The following YARS2 variants were observed in gnomAD, a reference collection of about 807,000 sequenced individuals.
YARS2 encodes the protein tyrosyl-tRNA synthetase 2.
In YARS2, 38 loss-of-function variants were observed where a neutral mutation model predicts 45.0. That is an observed-to-expected ratio of 0.84 (90% CI 0.65 to 1.11). YARS2 has a LOEUF of 1.11. Among genes scored for constraint, YARS2 ranks in the 50% least tolerant of loss-of-function variants. YARS2 has a pLI of 0.00. For missense variants in YARS2, 602 were observed against 599.8 expected, an observed-to-expected ratio of 1.00 and a Z score of -0.04; for synonymous variants, 287 against 245.1, an observed-to-expected ratio of 1.17 and a Z score of -1.60.
chr12:32,753,978 T>C lies in YARS2; in HGVS notation c.887A>G (p.Lys296Arg), dbSNP rs1305915229. The C allele has an allele frequency of 2.5e-6, 4 of 1,614,232 alleles. No individual in the cohort carries two copies. Among genetic ancestry groups the C allele is most frequent in the Non-Finnish European group, 3.4e-6 (4 of 1,180,038 alleles). The change falls in exon 2 of 5, where the codon AAG becomes AGG. Residue 296 changes from lysine to arginine, a missense_variant. Physicochemically the swap from Lys to Arg is conservative, Grantham distance 26. Transcript: ENST00000324868. Reference sequence around the variant, plus strand: ...TTGATACAATTCAAATGGAGATGTCTTATCTCTGTTTAGCCAAACAGCGTT... The same window carrying C: ...TTGATACAATTCAAATGGAGATGTCCTATCTCTGTTTAGCCAAACAGCGTT... ...AGNAVWLNRDKTSPFELYQFF... is the reference protein window; with the variant it reads ...AGNAVWLNRDRTSPFELYQFF...
At chr12:32,753,162 T>A (rs1444441362) in intron 2 of YARS2, among the ~76,000 whole-genome samples, 1 of 151,592 alleles carries the variant, frequency 6.6e-6, no homozygotes, top group Non-Finnish European at 1.5e-5. Context: ...AAAAAAAAAA[T>A]ACAAAATTAG....
chr12:32,748,054 C>T (rs182842576), intron 4 of YARS2, among the ~76,000 whole-genome samples: 70 of 152,294 alleles, frequency 4.6e-4, no homozygotes, highest in African/African-American at 1.7e-3. Flanking sequence ...GACAGGGCTA[C>T]AGCGTGGCTA....
intron 1 of YARS2, 129 bp from the exon 2 acceptor site, chr12:32,754,214 C>A (rs980777563): frequency 2.9e-6 from 3 of 1,017,634 alleles, no homozygotes; most frequent in African/African-American, 1.6e-5. Context: ...AATCTGAATT[C>A]TTGTTCCTCT....
intron 3 of YARS2, 76 bp downstream of exon 3, chr12:32,750,642 TA>T (rs1955725433): frequency 6.3e-7 from 1 of 1,588,364 alleles, no homozygotes; most frequent in Non-Finnish European, 8.6e-7. Flanking sequence ...AAGATAATCC[TA>T]AAACATACTC....
chr12:32,751,072 T>C (rs939540225), intron 2 of YARS2, among the ~76,000 whole-genome samples, 198 bp from the exon 3 acceptor site: 2 of 95,052 alleles, frequency 2.1e-5, no homozygotes, highest in African/African-American at 5.5e-5. Context: ...TTTCAATTTC[T>C]TTTTTTTTTT....
Position 32,750,826 on chromosome 12 carries a change from G to C in YARS2, c.996C>G (p.Ile332Met). The C allele has an allele frequency of 6.2e-7, 1 of 1,614,136 alleles. No individual in the cohort carries two copies. The highest frequency in any genetic ancestry group is 8.5e-7 in the Non-Finnish European group (1 of 1,180,028). Residue 332 changes from isoleucine (I) to methionine (M), a missense_variant, in exon 3 of 5, where the codon ATC becomes ATG. Ile to Met is a conservative substitution (Grantham distance 10, BLOSUM62 1). Transcript: ENST00000324868. ...CTGGCTCTTTGACATGCAGCTGCAT[G>C]ATATGATCAATCTCTGGAAGGGGCA... The part of the protein sequence containing the change: ...TFLPLPEIDH[I>M]MQLHVKEPER...
rs1337304440 is a variant in YARS2, at chr12:32,755,512, G to T, written c.363C>A (p.Asp121Glu). The change falls in exon 1 of 5, where the codon GAC (aspartate) becomes GAA (glutamate). Residue 121 changes from aspartate (D) to glutamate (E), a missense_variant. Physicochemically the swap from Asp to Glu is conservative, Grantham distance 45. Coordinates refer to ENST00000324868, the MANE Select transcript of YARS2 (RefSeq NM_001040436.3). ...LVGGATARLG[D>E]PSGRTKEREA... ...CGCGTTCCTTGGTACGGCCGCTCGG[G>T]TCTCCCAGGCGCGCCGTGGCGCCTC... The T allele has an allele frequency of 6.2e-7, 1 of 1,612,680 alleles. No homozygotes were observed. The highest frequency in any genetic ancestry group is 8.5e-7 in the Non-Finnish European group (1 of 1,179,598).
intron 2 of YARS2, among the ~76,000 whole-genome samples, chr12:32,751,858 G>A (rs1466004636): frequency 1.3e-5 from 2 of 152,138 alleles, no homozygotes; most frequent in Non-Finnish European, 2.9e-5. Flanking sequence ...CTCCTGTTGC[G>A]CAGCCCTGTT....
chr12:32,753,385 G>C (rs1303342254), intron 2 of YARS2, among the ~76,000 whole-genome samples: 1 of 152,150 alleles, frequency 6.6e-6, no homozygotes, highest in East Asian at 1.9e-4. Flanking sequence ...TATTTTGCAG[G>C]AAAGTCATAT....
intron 1 of YARS2, among the ~76,000 whole-genome samples, chr12:32,754,711 CTTTTTTTT>C (rs755897245): frequency 7.9e-6 from 1 of 126,720 alleles, no homozygotes; most frequent in Admixed American, 8.2e-5. Flanking sequence ...GTCTGTTTCC[CTTTTTTTT>C]TTTTTTTTTT....
chr12:32,754,088 A>G lies in YARS2; in HGVS notation c.780-3T>C, dbSNP rs1461183468. The G allele has an allele frequency of 1.2e-6, 2 of 1,614,188 alleles. No individual in the cohort carries two copies. The highest frequency in any genetic ancestry group is 1.7e-6 in the Non-Finnish European group (2 of 1,180,024). ...CAAATACATCTTCTCCAGTCAACCT[A>G]CGCATAAAGAACAATTTCATTATGT... On this transcript the variant is annotated splice_polypyrimidine_tract_variant and splice_region_variant and intron_variant, in intron 1 of 4. Transcript: ENST00000324868.
chr12:32,750,253 T>G (rs779980398), intron 3 of YARS2, 146 bp from the exon 4 acceptor site: 82 of 938,274 alleles, frequency 8.7e-5, no homozygotes, highest in Non-Finnish European at 1.2e-4. Context: ...CCCGGCTGGA[T>G]TGCAATGGCA....
At chr12:32,754,492 T>C (rs1011304544) in intron 1 of YARS2, among the ~76,000 whole-genome samples, 9 of 152,204 alleles carry the variant, frequency 5.9e-5, no homozygotes, top group Admixed American at 2.0e-4. Flanking sequence ...TAGACCCGCA[T>C]TACTTGTCAA....
chr12:32,751,657 G>A (rs1955747532), intron 2 of YARS2, among the ~76,000 whole-genome samples: 1 of 152,112 alleles, frequency 6.6e-6, no homozygotes, highest in South Asian at 2.1e-4. Flanking sequence ...GGGGAGGGGA[G>A]GTGGTTTCAG....
chr12:32,752,740 CAAAAAAAAAAAA>C (rs56907654), intron 2 of YARS2: 6,399 of 196,856 alleles, frequency 0.033, 328 homozygotes, highest in African/African-American at 0.18. Context: ...GACACTGCCT[CAAAAAAAAAAAA>C]AAAAAAAAAA....
At chr12:32,753,833 T>C in intron 2 of YARS2, 85 bp downstream of exon 2, 3 of 1,565,844 alleles carry the variant, frequency 1.9e-6, no homozygotes, top group Admixed American at 3.3e-5. Context: ...ACAAAAAAAC[T>C]ATAAAATGTA....
In YARS2 at chr12:32,750,600, G is replaced by A. The variant is rs763749772; in HGVS notation, c.1103+119C>T. 1.9e-5 allele frequency: 26 copies of A among 1,350,426 alleles called. No individual in the cohort carries two copies. In the Middle Eastern group the frequency reaches 6.1e-4, roughly 31 times the overall value. The allele number at this position is 1,350,426 out of a possible 1,614,324, so 83.7% of individuals were successfully genotyped here. Reference sequence around the variant, plus strand: ...AACAGGGGCTATTTTAAATTGCTAAGTCAAATACTGACAGTCCTTGTGATA... The same window carrying A: ...AACAGGGGCTATTTTAAATTGCTAAATCAAATACTGACAGTCCTTGTGATA... On this transcript the variant is annotated intron_variant, in intron 3 of 4. Coordinates refer to ENST00000324868, the MANE Select transcript of YARS2 (RefSeq NM_001040436.3).
Position 32,747,082 on chromosome 12 carries a change from T to A in YARS2, c.*122A>T. The stretch of plus-strand genomic sequence containing the variant: ...AAATAATGAAGTTACTCACACTGAG[T>A]CCTAGTCCATTCTGTTTTTCTGATT... On this transcript the variant is annotated 3_prime_UTR_variant, in exon 5 of 5. Coordinates refer to ENST00000324868, the MANE Select transcript of YARS2 (RefSeq NM_001040436.3). 1 of 927,256 alleles carries A rather than the reference T, an allele frequency of 1.1e-6. No homozygotes were observed. The highest frequency in any genetic ancestry group is 1.7e-6 in the Non-Finnish European group (1 of 597,202). 57.4% of individuals were successfully genotyped at this position (927,256 alleles called of 1,614,324 possible).
chr12:32,751,603 A>G (rs759850306), intron 2 of YARS2, among the ~76,000 whole-genome samples: 17 of 152,194 alleles, frequency 1.1e-4, no homozygotes, highest in Non-Finnish European at 5.9e-5. Context: ...ATGATGGACT[A>G]CATATATCCG....
Sources: gnomAD v4.1 joint callset for allele counts (sites outside exome capture counted in the v4.1 genomes callset) on GRCh38, gnomAD v4.1.1 for gene constraint, MANE v1.5 for transcripts, NCBI Gene and HGNC (gene_info 2026-07-23, HGNC 2026-07-21) for gene names.